The following HECW1 variants were observed in gnomAD, a reference collection of about 807,000 sequenced individuals.
The protein encoded by HECW1 is HECT, C2 and WW domain containing E3 ubiquitin protein ligase 1.
In HECW1, 61 loss-of-function variants were observed where a neutral mutation model predicts 182.3. That is an observed-to-expected ratio of 0.33 (90% CI 0.27 to 0.41). HECW1 has a LOEUF of 0.41. HECW1 is among the 10% of genes least tolerant of loss of function. The probability of loss-of-function intolerance (pLI) is 1.00; values close to 1 mark genes in which losing one functional copy is unlikely to be tolerated. For synonymous variants in HECW1, 859 were observed against 832.6 expected, an observed-to-expected ratio of 1.03 and a Z score of -0.55; for missense variants, 1,739 against 2,108.9, an observed-to-expected ratio of 0.82 and a Z score of 3.44.
At chr7:43,231,754 C>T (rs376650852) in intron 2 of HECW1, among the ~76,000 whole-genome samples, 17 of 152,062 alleles carry the variant, frequency 1.1e-4, no homozygotes, top group South Asian at 1.0e-3. Flanking sequence ...CGGTGGCTCA[C>T]GCCTGTAATC....
In HECW1 at chr7:43,479,778, C is replaced by T. The variant is rs1312665277; in HGVS notation, c.3234+34C>T. ...CCCTACACCCCGCCCTACTGTTCAC[C>T]GGTCACAGTCTCTGCCTCTTCCATG... is the stretch of plus-strand genomic sequence containing the variant. On this transcript the variant is annotated intron_variant, in intron 17 of 29. Transcript: ENST00000395891. 26 of 1,611,780 alleles carry T rather than the reference C, an allele frequency of 1.6e-5. No homozygotes were observed. In the East Asian group the frequency reaches 2.0e-4, roughly 12 times the overall value.
chr7:43,249,803 A>T lies in HECW1; in HGVS notation c.27+5871A>T, dbSNP rs79420065. On this transcript the variant is annotated intron_variant, in intron 3 of 29. Coordinates refer to ENST00000395891, the MANE Select transcript of HECW1 (RefSeq NM_015052.5). ...TGCCTCTCTTGCTTGGTAGTGCTAG[A>T]TTTAGAGCTCAAAATTTTCCTTTTC... Among the ~76,000 whole-genome samples, 563 of 152,282 alleles carry T rather than the reference A, an allele frequency of 3.7e-3. 3 individuals carry two copies. The highest frequency in any genetic ancestry group is 0.013 in the African/African-American group (525 of 41,560).
rs939970212 is a variant in HECW1 at position 43,328,060 on chromosome 7, A to G, written c.460+7318A>G. On this transcript the variant is annotated intron_variant, in intron 5 of 29. Coordinates refer to ENST00000395891, the MANE Select transcript of HECW1 (RefSeq NM_015052.5). ...GGGCCAGGCATAGTGGCTCACACCT[A>G]TAATCGTAGCATTTTGGGAGGAAGT... is the stretch of plus-strand genomic sequence containing the variant. Among the ~76,000 whole-genome samples the G allele has an allele frequency of 2.6e-5, 4 of 151,502 alleles. No homozygotes were observed. The East Asian group carries it at 5.8e-4, about 22-fold the overall frequency.
intron 6 of HECW1, among the ~76,000 whole-genome samples, chr7:43,385,103 G>A (rs1418098366): frequency 1.3e-5 from 2 of 151,498 alleles, no homozygotes; most frequent in East Asian, 1.9e-4. Context: ...TCAAAGAAAC[G>A]GGTTCAGCCA....
At chr7:43,539,740 G>T (rs915897423) in intron 24 of HECW1, among the ~76,000 whole-genome samples, 1 of 152,158 alleles carries the variant, frequency 6.6e-6, no homozygotes, top group Non-Finnish European at 1.5e-5. Context: ...CGGTCATCTC[G>T]ACCTAGATGG....
At chr7:43,429,289 C>CATATATAT (rs57627873) in intron 8 of HECW1, among the ~76,000 whole-genome samples, 57 of 106,676 alleles carry the variant, frequency 5.3e-4, no homozygotes, top group Non-Finnish European at 7.0e-4. Flanking sequence ...ATATTATATG[C>CATATATAT]ATATATATAT....
intron 2 of HECW1, among the ~76,000 whole-genome samples, chr7:43,157,166 A>T (rs1789974468): frequency 6.6e-6 from 1 of 152,254 alleles, no homozygotes; most frequent in Admixed American, 6.5e-5. Flanking sequence ...TCAGACTATA[A>T]GCCCAAAATC....
At chr7:43,320,473 G>A (rs886979632) in intron 4 of HECW1, among the ~76,000 whole-genome samples, 162 bp from the exon 5 acceptor site, 58 of 152,330 alleles carry the variant, frequency 3.8e-4, no homozygotes, top group African/African-American at 1.4e-3. Context: ...GGTCCCAATG[G>A]CGTCTTGGGG....
At chr7:43,554,478 C>A in intron 28 of HECW1, 114 bp from the exon 29 acceptor site, 1 of 900,572 alleles carries the variant, frequency 1.1e-6, no homozygotes, top group South Asian at 1.7e-5. Context: ...GAAATCAGAT[C>A]AAAAGCAGCG....
chr7:43,471,109 G>T (rs560742411), intron 16 of HECW1, among the ~76,000 whole-genome samples: 23 of 152,332 alleles, frequency 1.5e-4, no homozygotes, highest in African/African-American at 5.5e-4. Flanking sequence ...CAGATTAGTA[G>T]TATCTACCAC....
intron 4 of HECW1, among the ~76,000 whole-genome samples, chr7:43,317,028 T>C (rs115859261): frequency 0.01 from 1,544 of 151,916 alleles, 18 homozygotes; most frequent in African/African-American, 0.033. Context: ...AGGCAGTTTA[T>C]TTAATCATTC....
At chr7:43,240,598 G>T (rs1584127719) in intron 2 of HECW1, among the ~76,000 whole-genome samples, 1 of 152,134 alleles carries the variant, frequency 6.6e-6, no homozygotes, top group Non-Finnish European at 1.5e-5. Context: ...ATAAATATTT[G>T]CCCAGGAGAA....
At chr7:43,374,202 C>T (rs1046794571) in intron 6 of HECW1, among the ~76,000 whole-genome samples, 4 of 152,070 alleles carry the variant, frequency 2.6e-5, no homozygotes, top group African/African-American at 4.8e-5. Context: ...AGAAACACTA[C>T]GAAAATTCAT....
At chr7:43,383,344 T>C (rs1410465098) in intron 6 of HECW1, among the ~76,000 whole-genome samples, 1 of 152,234 alleles carries the variant, frequency 6.6e-6, no homozygotes, top group East Asian at 1.9e-4. Flanking sequence ...TCTAGATCCT[T>C]GAGGAATTGC....
chr7:43,425,422 A>G (rs1446614873), intron 8 of HECW1, among the ~76,000 whole-genome samples: 8 of 152,140 alleles, frequency 5.3e-5, no homozygotes, highest in Admixed American at 3.3e-4. Context: ...GGTCACTTGT[A>G]TTTATAAGTA....
chr7:43,470,777 T>C (rs969346920), intron 16 of HECW1, among the ~76,000 whole-genome samples: 2 of 152,166 alleles, frequency 1.3e-5, no homozygotes, highest in Non-Finnish European at 2.9e-5. Flanking sequence ...AGCAATTTCT[T>C]ATTAATTGAA....
intron 2 of HECW1, among the ~76,000 whole-genome samples, chr7:43,141,347 C>A (rs1039970341): frequency 6.6e-6 from 1 of 152,194 alleles, no homozygotes; most frequent in Non-Finnish European, 1.5e-5. Context: ...CACGCTGACC[C>A]CCTGCTGGGT....
At chr7:43,144,884 T>C (rs1788535020) in intron 2 of HECW1, among the ~76,000 whole-genome samples, 1 of 152,210 alleles carries the variant, frequency 6.6e-6, no homozygotes, top group Admixed American at 6.5e-5. Context: ...CAATTAAATT[T>C]TATGTAGCAA....
At chr7:43,488,488 G>GAAAGAAAGAA (rs767310220) in intron 17 of HECW1, among the ~76,000 whole-genome samples, 35 of 112,708 alleles carry the variant, frequency 3.1e-4, no homozygotes, top group African/African-American at 3.2e-4. Context: ...AAGAAAGAAA[G>GAAAGAAAGAA]AGAAAGAAAG....
Sources: allele counts gnomAD v4.1 joint callset (sites outside exome capture counted in the v4.1 genomes callset), GRCh38; gene constraint gnomAD v4.1.1; transcripts MANE v1.5; gene names NCBI Gene and HGNC (gene_info 2026-07-23, HGNC 2026-07-21).